The following UBE2E2 variants were observed in gnomAD, a reference collection of about 807,000 sequenced individuals.
UBE2E2 encodes ubiquitin-conjugating enzyme E2 E2.
Under a neutral mutation model 24.7 loss-of-function variants are expected in UBE2E2, and 6 were observed. That is an observed-to-expected ratio of 0.24 (90% CI 0.13 to 0.48). UBE2E2 has a LOEUF of 0.48. Among genes scored for constraint, UBE2E2 ranks in the 20% least tolerant of loss-of-function variants. UBE2E2 has a pLI of 0.99. For missense variants in UBE2E2, 169 were observed against 245.0 expected, an observed-to-expected ratio of 0.69 and a Z score of 2.07; for synonymous variants, 104 against 83.6, an observed-to-expected ratio of 1.24 and a Z score of -1.33.
At chr3:23,269,075 C>T (rs1425455791) in intron 3 of UBE2E2, among the ~76,000 whole-genome samples, 5 of 151,896 alleles carry the variant, frequency 3.3e-5, no homozygotes, top group Non-Finnish European at 5.9e-5. Flanking sequence ...GAGACTTAAA[C>T]GTTAGACCTA....
At chr3:23,217,204 A>G (rs1269023061) in intron 2 of UBE2E2, 58 bp from the exon 3 acceptor site, 2 of 1,454,644 alleles carry the variant, frequency 1.4e-6, no homozygotes, top group East Asian at 2.3e-5. Context: ...TTTTAATGAA[A>G]TAAATTGTTA....
At chr3:23,408,829 A>G (rs907081165) in intron 3 of UBE2E2, among the ~76,000 whole-genome samples, 12 of 152,160 alleles carry the variant, frequency 7.9e-5, no homozygotes, top group African/African-American at 2.9e-4. Context: ...ATCATTTGTC[A>G]GTTTTTGTTC....
chr3:23,446,652 G>T (rs1008625069), intron 3 of UBE2E2, among the ~76,000 whole-genome samples: 1 of 149,828 alleles, frequency 6.7e-6, no homozygotes, highest in Admixed American at 6.6e-5. Context: ...TTACTACTGG[G>T]GATTCTACCA....
intron 3 of UBE2E2, among the ~76,000 whole-genome samples, chr3:23,320,051 G>A (rs1694703047): frequency 6.6e-6 from 1 of 152,158 alleles, no homozygotes; most frequent in African/African-American, 2.4e-5. Flanking sequence ...GCCACCATAT[G>A]TGAAAGTCTC....
chr3:23,416,243 C>T (rs1378835525), intron 3 of UBE2E2, among the ~76,000 whole-genome samples: 2 of 152,174 alleles, frequency 1.3e-5, no homozygotes, highest in Non-Finnish European at 2.9e-5. Context: ...ATTCATAATC[C>T]TGGTGGTGAC....
intron 3 of UBE2E2, among the ~76,000 whole-genome samples, chr3:23,403,162 T>C (rs1463281940): frequency 6.6e-6 from 1 of 152,238 alleles, no homozygotes. Context: ...CTTGAACAAA[T>C]ATAATTATTT....
At chr3:23,433,275 A>C (rs1698108338) in intron 3 of UBE2E2, among the ~76,000 whole-genome samples, 1 of 151,966 alleles carries the variant, frequency 6.6e-6, no homozygotes, top group Middle Eastern at 3.2e-3. Context: ...GAATTAGAAT[A>C]ACTTCATAAT....
At chr3:23,225,980 A>G (rs916967821) in intron 3 of UBE2E2, among the ~76,000 whole-genome samples, 1 of 152,120 alleles carries the variant, frequency 6.6e-6, no homozygotes, top group Non-Finnish European at 1.5e-5. Flanking sequence ...CCCAGGTTCA[A>G]GCAATTCTCT....
chr3:23,254,987 T>G (rs1342721884), intron 3 of UBE2E2, among the ~76,000 whole-genome samples: 1 of 151,832 alleles, frequency 6.6e-6, no homozygotes, highest in African/African-American at 2.4e-5. Context: ...GATAAGCCAG[T>G]GCTGCATAAG....
At chr3:23,215,576 C>G (rs913092544) in intron 2 of UBE2E2, among the ~76,000 whole-genome samples, 6 of 152,020 alleles carry the variant, frequency 3.9e-5, no homozygotes, top group Non-Finnish European at 8.8e-5. Flanking sequence ...CCCCCTATGC[C>G]CCTTTAGTAG....
chr3:23,371,036 A>G (rs568352245), intron 3 of UBE2E2, among the ~76,000 whole-genome samples: 1 of 152,168 alleles, frequency 6.6e-6, no homozygotes, highest in Non-Finnish European at 1.5e-5. Context: ...ATTTTAAAAA[A>G]TTTTTTTAAT....
At chr3:23,363,871 C>G (rs1411478892) in intron 3 of UBE2E2, among the ~76,000 whole-genome samples, 2 of 151,608 alleles carry the variant, frequency 1.3e-5, no homozygotes, top group Non-Finnish European at 2.9e-5. Context: ...GGCATGTACT[C>G]TAAAATTGAC....
At chr3:23,308,864 C>T (rs1699303396) in intron 3 of UBE2E2, among the ~76,000 whole-genome samples, 1 of 152,178 alleles carries the variant, frequency 6.6e-6, no homozygotes, top group African/African-American at 2.4e-5. Flanking sequence ...GTGCAGCTCT[C>T]TCAGTCTAAG....
In UBE2E2 at chr3:23,501,323, G is replaced by C. The variant is rs975200776; in HGVS notation, c.360+1583G>C. Among the ~76,000 whole-genome samples, 4 of 151,676 alleles carry C rather than the reference G, an allele frequency of 2.6e-5. 1 individual carries two copies. In the South Asian group the frequency reaches 6.3e-4, roughly 24 times the overall value. ...ATTAAACAAAGCTAGAATAAGCTGGGGGGAGAGAGTCAAATCGCATTCTTG... is the reference window on the plus strand; with the variant it reads ...ATTAAACAAAGCTAGAATAAGCTGGCGGGAGAGAGTCAAATCGCATTCTTG... On this transcript the variant is annotated intron_variant, in intron 4 of 5. Transcript: ENST00000396703.
At chr3:23,284,072 T>G (rs1460991664) in intron 3 of UBE2E2, among the ~76,000 whole-genome samples, 1 of 152,162 alleles carries the variant, frequency 6.6e-6, no homozygotes, top group Non-Finnish European at 1.5e-5. Context: ...ATAGCTTAGG[T>G]GCAGTCTAAC....
At chr3:23,238,375 A>G (rs1273935736) in intron 3 of UBE2E2, among the ~76,000 whole-genome samples, 2 of 152,192 alleles carry the variant, frequency 1.3e-5, no homozygotes, top group Non-Finnish European at 2.9e-5. Context: ...ATGATCATGT[A>G]TATGAAAGCT....
chr3:23,227,111 T>C (rs1418665191), intron 3 of UBE2E2, among the ~76,000 whole-genome samples: 17 of 152,116 alleles, frequency 1.1e-4, no homozygotes. Context: ...ACTAGAATGG[T>C]GATACTATTG....
intron 3 of UBE2E2, among the ~76,000 whole-genome samples, chr3:23,250,069 A>G (rs760052897): frequency 2.0e-5 from 3 of 152,210 alleles, no homozygotes; most frequent in Non-Finnish European, 2.9e-5. Flanking sequence ...CTAGGAGGGT[A>G]GATAGATGCT....
intron 3 of UBE2E2, among the ~76,000 whole-genome samples, chr3:23,233,997 A>G (rs546973164): frequency 3.0e-4 from 46 of 152,256 alleles, no homozygotes; most frequent in African/African-American, 3.4e-4. Flanking sequence ...TCAAATGTCA[A>G]TTATCCTAAA....
Sources: gnomAD v4.1 joint callset for allele counts (sites outside exome capture counted in the v4.1 genomes callset) on GRCh38, gnomAD v4.1.1 for gene constraint, MANE v1.5 for transcripts, NCBI Gene and HGNC (gene_info 2026-07-23, HGNC 2026-07-21) for gene names.